TCF7L1: variants seen among roughly 807,000 people sequenced by gnomAD.
TCF7L1 encodes transcription factor 7 like 1, also known as transcription factor 7-like 1.
Under a neutral mutation model 63.7 loss-of-function variants are expected in TCF7L1, and 18 were observed. The observed-to-expected ratio is 0.28, with a 90% CI of 0.20 to 0.42. TCF7L1 has a LOEUF of 0.42. Ranked by LOEUF, TCF7L1 falls within the 10% of genes least tolerant of loss-of-function variation. The pLI, the probability that TCF7L1 is intolerant of heterozygous loss-of-function variation, is 1.00. For missense variants in TCF7L1, 654 were observed against 779.3 expected (o/e 0.84, Z 1.91); for synonymous variants, 355 against 340.9 (o/e 1.04, Z -0.46).
intron 3 of TCF7L1, among the ~76,000 whole-genome samples, chr2:85,138,181 G>A (rs969788087): frequency 6.6e-6 from 1 of 152,256 alleles, no homozygotes; most frequent in Admixed American, 6.5e-5. Flanking sequence ...GAAAGGCTTT[G>A]CTTTATTATT....
intron 3 of TCF7L1, among the ~76,000 whole-genome samples, chr2:85,170,534 C>T (rs902661063): frequency 4.6e-5 from 7 of 152,162 alleles, no homozygotes; most frequent in Admixed American, 1.3e-4. Flanking sequence ...TTCCTTGGTT[C>T]CTTTTGCCAC....
intron 3 of TCF7L1, among the ~76,000 whole-genome samples, chr2:85,151,698 C>G (rs2568223): frequency 0.66 from 100,811 of 152,124 alleles, 33,635 homozygotes; most frequent in East Asian, 0.91. Flanking sequence ...TTGCCACTTA[C>G]TTTGATAAAT....
chr2:85,293,599 G>A (rs894104480), intron 4 of TCF7L1, among the ~76,000 whole-genome samples: 3 of 152,118 alleles, frequency 2.0e-5, no homozygotes, highest in Admixed American at 1.3e-4. Context: ...AGACTAATAC[G>A]TAGGGGCAAG....
intron 3 of TCF7L1, among the ~76,000 whole-genome samples, chr2:85,198,282 G>A (rs1679201008): frequency 6.6e-6 from 1 of 152,174 alleles, no homozygotes; most frequent in African/African-American, 2.4e-5. Context: ...GTGGGATAGG[G>A]GAGCCAGGGA....
chr2:85,203,597 T>C (rs1028042139), intron 3 of TCF7L1, among the ~76,000 whole-genome samples: 1 of 151,918 alleles, frequency 6.6e-6, no homozygotes, highest in African/African-American at 2.4e-5. Context: ...GGCGTGGTGG[T>C]GTGTGCCTGT....
chr2:85,164,456 C>T (rs1029182397), intron 3 of TCF7L1, among the ~76,000 whole-genome samples: 4 of 151,980 alleles, frequency 2.6e-5, no homozygotes, highest in Non-Finnish European at 4.4e-5. Flanking sequence ...TGTTTTAAAG[C>T]GAGGCTACTT....
chr2:85,144,749 G>GTGTGTGTGTGTGTGTGTGTGTGTGTGTT (rs767439897), intron 3 of TCF7L1, among the ~76,000 whole-genome samples: 2 of 147,064 alleles, frequency 1.4e-5, no homozygotes, highest in African/African-American at 5.1e-5. Flanking sequence ...GTGTGTGTGT[G>GTGTGTGTGTGTGTGTGTGTGTGTGTGTT]TATGTGTGTG....
At chr2:85,145,499 C>G (rs547862627) in intron 3 of TCF7L1, among the ~76,000 whole-genome samples, 1 of 152,316 alleles carries the variant, frequency 6.6e-6, no homozygotes, top group East Asian at 1.9e-4. Context: ...CTACACTCCC[C>G]TCTGTAAATT....
chr2:85,296,070 ACCCAGCC>A (rs1681834646), intron 4 of TCF7L1, among the ~76,000 whole-genome samples: 1 of 152,100 alleles, frequency 6.6e-6, no homozygotes, highest in Admixed American at 6.5e-5. Context: ...GAGCCATCAT[ACCCAGCC>A]AGTAACATTA....
At chr2:85,145,009 C>T (rs1479428327) in intron 3 of TCF7L1, among the ~76,000 whole-genome samples, 9 of 149,914 alleles carry the variant, frequency 6.0e-5, no homozygotes, top group South Asian at 2.1e-4. Context: ...TGCTTGGACC[C>T]GGGAGGCAGA....
At chr2:85,236,752 G>A (rs934673572) in intron 3 of TCF7L1, among the ~76,000 whole-genome samples, 4 of 152,154 alleles carry the variant, frequency 2.6e-5, no homozygotes, top group Non-Finnish European at 5.9e-5. Context: ...GAGAAAGTCA[G>A]AATGCAAAGT....
chr2:85,262,996 T>C (rs1041814189), intron 3 of TCF7L1, among the ~76,000 whole-genome samples: 5 of 152,186 alleles, frequency 3.3e-5, no homozygotes, highest in Admixed American at 6.5e-5. Flanking sequence ...GAGTGTCATC[T>C]ACATCATGAC....
At chr2:85,289,402 CA>C (rs1681633832) in intron 4 of TCF7L1, among the ~76,000 whole-genome samples, 1 of 152,140 alleles carries the variant, frequency 6.6e-6, no homozygotes, top group African/African-American at 2.4e-5. Flanking sequence ...TGCAGTTCTC[CA>C]AAACTTTAGA....
At chr2:85,238,551 T>A (rs1411420885) in intron 3 of TCF7L1, among the ~76,000 whole-genome samples, 1 of 152,168 alleles carries the variant, frequency 6.6e-6, no homozygotes, top group Non-Finnish European at 1.5e-5. Context: ...ATGGATTGCC[T>A]TCTGCCTCCA....
rs188079341 is a variant in TCF7L1 at position 85,200,939 on chromosome 2, G to A, written c.441+66489G>A. 1.6e-3 allele frequency among the ~76,000 whole-genome samples: 242 copies of A among 152,288 alleles called. No individual in the cohort carries two copies. In the Middle Eastern group the frequency reaches 0.02, roughly 13 times the overall value. On this transcript the variant is annotated intron_variant, in intron 3 of 11. Transcript: ENST00000282111. The stretch of plus-strand genomic sequence containing the variant: ...ATAGTGGCCAGGCACGGTGGCTCAC[G>A]TCTGTAATCCTAGCATTTTGGGAGG...
At chr2:85,246,416 C>T (rs1680465483) in intron 3 of TCF7L1, among the ~76,000 whole-genome samples, 1 of 152,264 alleles carries the variant, frequency 6.6e-6, no homozygotes, top group Non-Finnish European at 1.5e-5. Context: ...GCTCACCTCC[C>T]ACACAGCTCC....
intron 3 of TCF7L1, among the ~76,000 whole-genome samples, chr2:85,144,073 C>T (rs368235202): frequency 2.0e-5 from 3 of 152,236 alleles, no homozygotes; most frequent in East Asian, 3.9e-4. Context: ...TGTGGAAGAA[C>T]GCTGGAGGAG....
chr2:85,214,606 G>A (rs1188279668), intron 3 of TCF7L1, among the ~76,000 whole-genome samples: 1 of 152,166 alleles, frequency 6.6e-6, no homozygotes, highest in African/African-American at 2.4e-5. Flanking sequence ...AATGTTGGCT[G>A]GGACAGGATA....
intron 3 of TCF7L1, among the ~76,000 whole-genome samples, chr2:85,174,551 G>C (rs527309136): frequency 6.6e-6 from 1 of 152,232 alleles, no homozygotes; most frequent in South Asian, 2.1e-4. Context: ...ACTGGTCACT[G>C]TCAACTCCAA....
Sources: gnomAD v4.1 joint callset for allele counts (sites outside exome capture counted in the v4.1 genomes callset) on GRCh38, gnomAD v4.1.1 for gene constraint, MANE v1.5 for transcripts, NCBI Gene and HGNC (gene_info 2026-07-23, HGNC 2026-07-21) for gene names.